PCDHGB6: variants seen among roughly 807,000 people sequenced by gnomAD.
PCDHGB6 encodes protocadherin gamma-B6.
PCDHGB6 carries 51 observed loss-of-function variants against 59.1 expected under a neutral mutation model. That is an observed-to-expected ratio of 0.86 (90% CI 0.69 to 1.09). The LOEUF (loss-of-function observed/expected upper bound fraction) is 1.09, where lower values mean the gene tolerates loss of function less well. PCDHGB6 is among the 50% of genes least tolerant of loss of function. The pLI is 0.00. For synonymous variants in PCDHGB6, 466 were observed against 495.1 expected, an observed-to-expected ratio of 0.94 and a Z score of 0.78; for missense variants, 1,148 against 1,205.1, an observed-to-expected ratio of 0.95 and a Z score of 0.70.
chr5:141,503,440 C>A (rs1185892958), intron 2 of PCDHGB6, among the ~76,000 whole-genome samples: 2 of 151,694 alleles, frequency 1.3e-5, no homozygotes, highest in African/African-American at 4.8e-5. Context: ...ACTAAAAATA[C>A]AAAAATTCGC....
chr5:141,463,596 C>T (rs922480221), intron 1 of PCDHGB6, among the ~76,000 whole-genome samples: 5 of 151,874 alleles, frequency 3.3e-5, no homozygotes, highest in Admixed American at 2.0e-4. Flanking sequence ...CTACAGGTGC[C>T]TGCCACCATG....
At position 141,421,819 on chromosome 5, in the gene PCDHGB6, G is replaced by C. The variant is rs752366104; in HGVS notation, c.2418+11199G>C. The C allele has an allele frequency of 3.8e-5, 61 of 1,613,688 alleles. No homozygotes were observed. Among genetic ancestry groups the C allele is most frequent in the Non-Finnish European group, 4.9e-5 (58 of 1,179,892 alleles). ...GGCCAAGAATCCAGAGCTAGTACTG[G>C]AGGGAAGCCTGGACCGAGAGAAAGA... On this transcript the variant is annotated intron_variant, in intron 1 of 3. Coordinates refer to ENST00000520790, the MANE Select transcript of PCDHGB6 (RefSeq NM_018926.3).
chr5:141,428,173 C>G, intron 1 of PCDHGB6: 1 of 1,514,730 alleles, frequency 6.6e-7, no homozygotes. Context: ...CTGTGCGTGA[C>G]GGAGGACAGC....
At position 141,459,533 on chromosome 5, in the gene PCDHGB6, A is replaced by AT. The variant is rs956234847; in HGVS notation, c.2419-35266dup. Among the ~76,000 whole-genome samples the AT allele has an allele frequency of 1.2e-4, 18 of 152,018 alleles. No homozygotes were observed. In the South Asian group the frequency reaches 2.3e-3, roughly 19 times the overall value. ...CATGTACAAGTATTTTTGTAGGCAT[A>AT]TTTTTTTTATTTCTCTTGGATAAAT... is the stretch of plus-strand genomic sequence containing the variant. On this transcript the variant is annotated intron_variant, in intron 1 of 3. Transcript: ENST00000520790.
At position 141,455,301 on chromosome 5, in the gene PCDHGB6, T is replaced by G. The variant is rs192443408; in HGVS notation, c.2419-39506T>G. Among the ~76,000 whole-genome samples, 191 of 152,308 alleles carry G rather than the reference T, an allele frequency of 1.3e-3. 1 individual carries two copies. Among genetic ancestry groups the G allele is most frequent in the African/African-American group, 4.4e-3 (181 of 41,566 alleles). On this transcript the variant is annotated intron_variant, in intron 1 of 3. Transcript: ENST00000520790. ...AACATCACTTTACATAGTTTCATCT[T>G]GCATTAGCAATTTTGTGTGTGTGTT...
intron 1 of PCDHGB6, among the ~76,000 whole-genome samples, chr5:141,473,775 T>A (rs1219791398): frequency 6.6e-6 from 1 of 152,190 alleles, no homozygotes; most frequent in African/African-American, 2.4e-5. Flanking sequence ...ATTTGGTATT[T>A]TAATTCAAGA....
In PCDHGB6 at chr5:141,501,176, T is replaced by C. The variant is rs917315609; in HGVS notation, c.2478-4217T>C. ...GCCACCATCCCCAGCCTCATTTACA[T>C]TTTAACACAATTAAATTCAGGGTGT... On this transcript the variant is annotated intron_variant, in intron 2 of 3. Coordinates refer to ENST00000520790, the MANE Select transcript of PCDHGB6 (RefSeq NM_018926.3). Among the ~76,000 whole-genome samples, 16 of 152,244 alleles carry C rather than the reference T, an allele frequency of 1.1e-4. No homozygotes were observed. In the South Asian group the frequency reaches 3.3e-3, roughly 32 times the overall value.
Position 141,476,160 on chromosome 5 carries a change from G to A in PCDHGB6, c.2419-18647G>A, listed in dbSNP as rs781765205. 4.3e-6 allele frequency: 7 copies of A among 1,612,858 alleles called. No homozygotes were observed. The highest frequency in any genetic ancestry group is 5.9e-6 in the Non-Finnish European group (7 of 1,179,926). On this transcript the variant is annotated intron_variant, in intron 1 of 3. Coordinates refer to ENST00000520790, the MANE Select transcript of PCDHGB6 (RefSeq NM_018926.3). This position sits in a 1 kb window ranked among gnomAD's most constrained non-coding sequence, Gnocchi z 7.6. ...AGGAGCGGACTGGTAAGCACCGGGA[G>A]GGTAGTGGGAGTTTTGCTTCTGCTT...
At chr5:141,481,193 A>AT (rs1437708630) in intron 1 of PCDHGB6, among the ~76,000 whole-genome samples, 4 of 152,216 alleles carry the variant, frequency 2.6e-5, no homozygotes, top group African/African-American at 7.2e-5. Context: ...GCCAGGCCCA[A>AT]TTTTTTTAAA....
rs759899934 is a variant in PCDHGB6, at chr5:141,421,255, C to G, written c.2418+10635C>G. The stretch of plus-strand genomic sequence containing the variant: ...GGCGAATCGGCTACAGCGCGGGGAC[C>G]GCAGTCGGCTGCTGCTGCTGCTGTG... On this transcript the variant is annotated intron_variant, in intron 1 of 3. Coordinates refer to ENST00000520790, the MANE Select transcript of PCDHGB6 (RefSeq NM_018926.3). The G allele has an allele frequency of 6.0e-5, 97 of 1,607,644 alleles. No individual in the cohort carries two copies. Among genetic ancestry groups the G allele is most frequent in the Middle Eastern group, 3.3e-4 (2 of 6,058 alleles).
chr5:141,488,714 A>G (rs2099678684), intron 1 of PCDHGB6, among the ~76,000 whole-genome samples: 1 of 152,192 alleles, frequency 6.6e-6, no homozygotes, highest in Non-Finnish European at 1.5e-5. Flanking sequence ...TGGTTCAAGC[A>G]AAGTGGTGGA....
chr5:141,419,240 G>A lies in PCDHGB6; in HGVS notation c.2418+8620G>A, dbSNP rs753956971. On this transcript the variant is annotated intron_variant, in intron 1 of 3. Coordinates refer to ENST00000520790, the MANE Select transcript of PCDHGB6 (RefSeq NM_018926.3). ...CGGACAGTCAGCCTACCTGGTCCAC[G>A]TGCCAGAAAACAACCAGCCGGGTGC... is the stretch of plus-strand genomic sequence containing the variant. 6.8e-6 allele frequency: 11 copies of A among 1,613,862 alleles called. No individual in the cohort carries two copies. The highest frequency in any genetic ancestry group is 1.7e-5 in the Admixed American group (1 of 60,018).
In PCDHGB6 at chr5:141,476,850, A is replaced by G. The variant is rs747333239; in HGVS notation, c.2419-17957A>G. The G allele has an allele frequency of 1.2e-6, 2 of 1,613,836 alleles. No individual in the cohort carries two copies. Among genetic ancestry groups the G allele is most frequent in the Admixed American group, 3.3e-5 (2 of 60,030 alleles). ...GCGAATGACAATGCGCCTGTCTTCA[A>G]CCAGTCCTTGTACCGGGCGCGCGTC... is the stretch of plus-strand genomic sequence containing the variant. On this transcript the variant is annotated intron_variant, in intron 1 of 3. Transcript: ENST00000520790. The surrounding 1 kb of genome is among the most constrained non-coding windows in gnomAD (Gnocchi z 7.6).
chr5:141,449,471 G>A (rs1261821886), intron 1 of PCDHGB6, among the ~76,000 whole-genome samples: 1 of 151,060 alleles, frequency 6.6e-6, no homozygotes, highest in African/African-American at 2.4e-5. Flanking sequence ...GCCAGGCCTG[G>A]TACCCCATGC....
chr5:141,490,688 CTG>C lies in PCDHGB6; in HGVS notation c.2419-4118_2419-4117del. 6.2e-7 allele frequency: 1 copy of C among 1,614,218 alleles called. No homozygotes were observed. On this transcript the variant is annotated intron_variant, in intron 1 of 3. Coordinates refer to ENST00000520790, the MANE Select transcript of PCDHGB6 (RefSeq NM_018926.3). This position sits in a 1 kb window ranked among gnomAD's most constrained non-coding sequence, Gnocchi z 5.4. ...ACTGTGGCTGCCTCAGATCCAGACA[CTG>C]GGGATAATGCCCGCCTCACCTACTC... is the stretch of plus-strand genomic sequence containing the variant.
intron 1 of PCDHGB6, chr5:141,419,148 C>A: frequency 6.2e-7 from 1 of 1,613,940 alleles, no homozygotes; most frequent in Admixed American, 1.7e-5. Flanking sequence ...AGGGGCAAGC[C>A]TCCGTTATCC....
chr5:141,478,857 C>A, intron 1 of PCDHGB6: 1 of 1,353,600 alleles, frequency 7.4e-7, no homozygotes, highest in Non-Finnish European at 9.8e-7. Context: ...AACACAAGAT[C>A]TCAGCGATCA....
chr5:141,432,622 G>A lies in PCDHGB6; in HGVS notation c.2418+22002G>A. 6.2e-7 allele frequency: 1 copy of A among 1,612,776 alleles called. No individual in the cohort carries two copies. The stretch of plus-strand genomic sequence containing the variant: ...AGCCGGGACTCTTCTCGGTGGGTCT[G>A]CACACGGGCGAGGTGCGCACGGCGC... On this transcript the variant is annotated intron_variant, in intron 1 of 3. Transcript: ENST00000520790. This position sits in a 1 kb window ranked among gnomAD's most constrained non-coding sequence, Gnocchi z 6.0.
rs373446844 is a variant in PCDHGB6, at chr5:141,486,661, G to A, written c.2419-8146G>A. The A allele has an allele frequency of 3.1e-6, 5 of 1,613,836 alleles. No individual in the cohort carries two copies. In the African/African-American group the frequency reaches 4.0e-5, roughly 13 times the overall value. On this transcript the variant is annotated intron_variant, in intron 1 of 3. Transcript: ENST00000520790. The surrounding 1 kb of genome is among the most constrained non-coding windows in gnomAD (Gnocchi z 5.0). The stretch of plus-strand genomic sequence containing the variant: ...CGCTTATCTCCTACTCACTCCTGGA[G>A]CCCAGGAATCGAGATGTATCAGCTT...
Sources: gnomAD v4.1 joint callset for allele counts (sites outside exome capture counted in the v4.1 genomes callset) on GRCh38, gnomAD v4.1.1 for gene constraint, Gnocchi (gnomAD v3.1) non-coding constraint, MANE v1.5 for transcripts, NCBI Gene and HGNC (gene_info 2026-07-23, HGNC 2026-07-21) for gene names.